GRIN2B: variants seen among roughly 807,000 people sequenced by gnomAD.
GRIN2B encodes glutamate ionotropic receptor NMDA type subunit 2B.
Under a neutral mutation model 114.5 loss-of-function variants are expected in GRIN2B, and 5 were observed. That is an observed-to-expected ratio of 0.04 (90% CI 0.02 to 0.09). The LOEUF is 0.09. Ranked by LOEUF, GRIN2B falls within the 10% of genes least tolerant of loss-of-function variation. The pLI, the probability that GRIN2B is intolerant of heterozygous loss-of-function variation, is 1.00. For missense variants in GRIN2B, 1,108 were observed against 1,943.5 expected, an observed-to-expected ratio of 0.57 and a Z score of 8.08; for synonymous variants, 787 against 745.1, an observed-to-expected ratio of 1.06 and a Z score of -0.92.
rs144568544 is a variant in GRIN2B at position 13,787,664 on chromosome 12, G to A, written c.412-33749C>T. 1.9e-3 allele frequency among the ~76,000 whole-genome samples: 291 copies of A among 152,308 alleles called. 3 individuals carry two copies. Among genetic ancestry groups the A allele is most frequent in the African/African-American group, 6.6e-3 (274 of 41,578 alleles). On this transcript the variant is annotated intron_variant, in intron 3 of 13. Coordinates refer to ENST00000609686, the MANE Select transcript of GRIN2B (RefSeq NM_000834.5). ...CATACATCCTATTATGGTCGTTTAA[G>A]CCTGTAACTAAGATTCCAATCCATG...
rs150174382 is a variant in GRIN2B, at chr12:13,910,038, C to T, written c.-18-43812G>A. ...TTAGATATTTCAGGAATGGGCTTGA[C>T]TATGTTCAAAAGTTCAAATAATTAA... On this transcript the variant is annotated intron_variant, in intron 2 of 13. Coordinates refer to ENST00000609686, the MANE Select transcript of GRIN2B (RefSeq NM_000834.5). Among the ~76,000 whole-genome samples, 34 of 152,328 alleles carry T rather than the reference C, an allele frequency of 2.2e-4. No homozygotes were observed. In the East Asian group the frequency reaches 6.6e-3, roughly 29 times the overall value.
intron 5 of GRIN2B, among the ~76,000 whole-genome samples, chr12:13,633,387 A>G (rs1430265986): frequency 6.6e-6 from 1 of 152,204 alleles, no homozygotes; most frequent in Non-Finnish European, 1.5e-5. Flanking sequence ...TTACACAACC[A>G]TTTTCCAAAA....
At chr12:13,684,215 C>T (rs1950157110) in intron 4 of GRIN2B, among the ~76,000 whole-genome samples, 1 of 152,084 alleles carries the variant, frequency 6.6e-6, no homozygotes, top group Non-Finnish European at 1.5e-5. Context: ...GTGCTCATAC[C>T]TCCATAATTT....
At chr12:13,871,581 TAA>T (rs945324959) in intron 2 of GRIN2B, among the ~76,000 whole-genome samples, 2 of 151,768 alleles carry the variant, frequency 1.3e-5, no homozygotes, top group South Asian at 2.1e-4. Context: ...TAATTATAAT[TAA>T]GTTTTCACTT....
chr12:13,659,154 G>A (rs1949896238), intron 5 of GRIN2B, among the ~76,000 whole-genome samples: 1 of 152,070 alleles, frequency 6.6e-6, no homozygotes, highest in East Asian at 1.9e-4. Context: ...CTTCCCTCCT[G>A]ACTCAACAGT....
In GRIN2B at chr12:13,562,498, C is replaced by T. The variant is rs71539419; in HGVS notation, c.*285G>A. The T allele has an allele frequency of 1.6e-4, 66 of 423,126 alleles. No homozygotes were observed. The highest frequency in any genetic ancestry group is 6.3e-4 in the Middle Eastern group (1 of 1,596). 26.2% of individuals were successfully genotyped at this position (423,126 alleles called of 1,614,324 possible). A position where few individuals can be genotyped will look rare whatever the true frequency, so the allele number is the denominator to read the frequency against. On this transcript the variant is annotated 3_prime_UTR_variant, in exon 14 of 14. Transcript: ENST00000609686. Reference sequence around the variant, plus strand: ...GCCCGCATGCAGCCCTTCCTTTCTCCGCTCTACCCTCCCCTGCTGAGAGGG... The same window carrying T: ...GCCCGCATGCAGCCCTTCCTTTCTCTGCTCTACCCTCCCCTGCTGAGAGGG...
intron 4 of GRIN2B, among the ~76,000 whole-genome samples, chr12:13,720,014 G>T (rs907915472): frequency 3.9e-5 from 6 of 152,156 alleles, no homozygotes; most frequent in South Asian, 2.1e-4. Context: ...GCTGGGAAAG[G>T]TTGGCCCCAG....
intron 3 of GRIN2B, among the ~76,000 whole-genome samples, chr12:13,844,875 C>A (rs910687492): frequency 6.6e-6 from 1 of 152,114 alleles, no homozygotes; most frequent in Non-Finnish European, 1.5e-5. Context: ...ATTTTGTTAT[C>A]TTTATCTCCT....
chr12:13,549,995 C>T lies in GRIN2B; in HGVS notation c.*12788G>A, dbSNP rs547889949. On this transcript the variant is annotated 3_prime_UTR_variant, in exon 14 of 14. Coordinates refer to ENST00000609686, the MANE Select transcript of GRIN2B (RefSeq NM_000834.5). ...GGCAGACAATTCAGGCAGCATTACT[C>T]GCTGAGCTAGACTGAGAGTTAGAAA... The T allele has an allele frequency of 6.6e-5, 10 of 152,284 alleles. No individual in the cohort carries two copies. In the South Asian group the frequency reaches 1.0e-3, roughly 16 times the overall value. The allele number at this position is 152,284 out of a possible 1,614,324, so 9.4% of individuals were successfully genotyped here.
intron 4 of GRIN2B, among the ~76,000 whole-genome samples, chr12:13,697,316 A>G (rs1950269967): frequency 1.3e-5 from 2 of 152,176 alleles, no homozygotes; most frequent in Non-Finnish European, 2.9e-5. Flanking sequence ...ATTAGAAAAA[A>G]AAACAGAACA....
chr12:13,739,536 G>C (rs1435030587), intron 4 of GRIN2B, among the ~76,000 whole-genome samples: 1 of 151,988 alleles, frequency 6.6e-6, no homozygotes, highest in African/African-American at 2.4e-5. Flanking sequence ...CAAATGTTTG[G>C]GGTAATGCTG....
chr12:13,808,770 T>TATATATATATAG, intron 3 of GRIN2B, among the ~76,000 whole-genome samples: 1 of 141,418 alleles, frequency 7.1e-6, no homozygotes, highest in South Asian at 2.3e-4. Flanking sequence ...TATATATATA[T>TATATATATATAG]ACATATAAAA....
At chr12:13,630,067 A>C (rs551724988) in intron 5 of GRIN2B, among the ~76,000 whole-genome samples, 1 of 152,324 alleles carries the variant, frequency 6.6e-6, no homozygotes, top group African/African-American at 2.4e-5. Context: ...AATGGCAGGG[A>C]CTGAATATTA....
chr12:13,895,010 T>C (rs1048724744), intron 2 of GRIN2B, among the ~76,000 whole-genome samples: 2 of 152,212 alleles, frequency 1.3e-5, no homozygotes, highest in African/African-American at 4.8e-5. Flanking sequence ...TTATTTAAAG[T>C]GCTGCACCCT....
intron 5 of GRIN2B, among the ~76,000 whole-genome samples, chr12:13,637,855 C>T (rs1227575673): frequency 6.6e-6 from 1 of 152,056 alleles, no homozygotes; most frequent in Non-Finnish European, 1.5e-5. Context: ...ATAAATAAGG[C>T]CCAGGCTTTA....
intron 5 of GRIN2B, among the ~76,000 whole-genome samples, chr12:13,663,096 G>T (rs1439091421): frequency 6.6e-6 from 1 of 152,098 alleles, no homozygotes; most frequent in Non-Finnish European, 1.5e-5. Flanking sequence ...AATGCTGTTG[G>T]TCCAGGGGCC....
chr12:13,721,197 G>A (rs1950505441), intron 4 of GRIN2B, among the ~76,000 whole-genome samples: 1 of 152,004 alleles, frequency 6.6e-6, no homozygotes, highest in African/African-American at 2.4e-5. Flanking sequence ...AAGAAGCTTG[G>A]CACATTTGAA....
chr12:13,878,171 TC>T (rs1321064835), intron 2 of GRIN2B, among the ~76,000 whole-genome samples: 75 of 152,012 alleles, frequency 4.9e-4, no homozygotes, highest in African/African-American at 1.7e-3. Flanking sequence ...TCGTCCGGTT[TC>T]CAGGTGGGTT....
intron 5 of GRIN2B, among the ~76,000 whole-genome samples, chr12:13,647,545 A>C (rs1949772354): frequency 6.6e-6 from 1 of 152,076 alleles, no homozygotes; most frequent in Non-Finnish European, 1.5e-5. Flanking sequence ...ATGGTCTTGA[A>C]GTTAAAAATA....
Sources: allele counts gnomAD v4.1 joint callset (sites outside exome capture counted in the v4.1 genomes callset), GRCh38; gene constraint gnomAD v4.1.1; transcripts MANE v1.5; gene names NCBI Gene and HGNC (gene_info 2026-07-23, HGNC 2026-07-21).